SGCZ: variants seen among roughly 807,000 people sequenced by gnomAD.
SGCZ encodes the protein zeta-sarcoglycan.
Under a neutral mutation model 41.3 loss-of-function variants are expected in SGCZ, and 40 were observed. The ratio of observed to expected loss-of-function variants is 0.97; its 90% CI spans 0.75 to 1.26. The LOEUF (loss-of-function observed/expected upper bound fraction) is 1.26. Among genes scored for constraint, SGCZ ranks in the 50% most tolerant of loss-of-function variants. The pLI is 0.00. For missense variants in SGCZ, 552 were observed against 369.8 expected, an observed-to-expected ratio of 1.49 and a Z score of -4.04; for synonymous variants, 206 against 137.5, an observed-to-expected ratio of 1.50 and a Z score of -3.49.
At chr8:14,297,502 C>A (rs566412053) in intron 3 of SGCZ, among the ~76,000 whole-genome samples, 2 of 151,328 alleles carry the variant, frequency 1.3e-5, no homozygotes, top group East Asian at 2.0e-4. Context: ...GATAAAAACT[C>A]CCGTAGAAAG....
At chr8:14,997,493 CT>C (rs1693259431) in intron 1 of SGCZ, among the ~76,000 whole-genome samples, 1 of 152,158 alleles carries the variant, frequency 6.6e-6, no homozygotes, top group Admixed American at 6.5e-5. Flanking sequence ...ATGTAGGTCA[CT>C]TTTATTATGG....
At chr8:15,103,938 T>C (rs1248796242) in intron 1 of SGCZ, among the ~76,000 whole-genome samples, 3 of 152,182 alleles carry the variant, frequency 2.0e-5, no homozygotes, top group Non-Finnish European at 4.4e-5. Context: ...AAACTCTTTA[T>C]GATAGAGCAA....
intron 2 of SGCZ, among the ~76,000 whole-genome samples, chr8:14,417,137 G>A (rs1799515152): frequency 6.6e-6 from 1 of 151,810 alleles, no homozygotes. Flanking sequence ...CCGTCTTAGA[G>A]ACTTCTTAGA....
At chr8:14,925,614 C>A (rs1010484810) in intron 1 of SGCZ, among the ~76,000 whole-genome samples, 1 of 152,160 alleles carries the variant, frequency 6.6e-6, no homozygotes, top group Non-Finnish European at 1.5e-5. Flanking sequence ...ATGGCAAAAA[C>A]CACAATTCCT....
chr8:15,113,393 C>A (rs577034512), intron 1 of SGCZ, among the ~76,000 whole-genome samples: 2 of 152,142 alleles, frequency 1.3e-5, no homozygotes, highest in Non-Finnish European at 2.9e-5. Context: ...CAGATTTTCT[C>A]TTACAAGTCC....
chr8:14,839,401 T>G (rs569613543), intron 1 of SGCZ, among the ~76,000 whole-genome samples: 1 of 152,288 alleles, frequency 6.6e-6, no homozygotes, highest in Admixed American at 6.5e-5. Context: ...TGTTAAGATG[T>G]CTATTAGACT....
chr8:14,987,172 AT>A (rs1214424708), intron 1 of SGCZ, among the ~76,000 whole-genome samples: 1 of 151,944 alleles, frequency 6.6e-6, no homozygotes, highest in Non-Finnish European at 1.5e-5. Context: ...TTCTGAAGTT[AT>A]CTTTTTGCAT....
At chr8:15,198,716 T>C (rs1367501053) in intron 1 of SGCZ, among the ~76,000 whole-genome samples, 1 of 152,226 alleles carries the variant, frequency 6.6e-6, no homozygotes, top group Non-Finnish European at 1.5e-5. Flanking sequence ...GGCTACACTG[T>C]GCCAGCCTCT....
intron 1 of SGCZ, among the ~76,000 whole-genome samples, chr8:14,716,330 A>G (rs1286226836): frequency 1.3e-5 from 2 of 152,092 alleles, no homozygotes; most frequent in South Asian, 2.1e-4. Context: ...GCAAAATCAT[A>G]AACTTCAAAA....
At chr8:14,824,092 G>A (rs1802207314) in intron 1 of SGCZ, among the ~76,000 whole-genome samples, 1 of 152,102 alleles carries the variant, frequency 6.6e-6, no homozygotes, top group Non-Finnish European at 1.5e-5. Context: ...AGAGACTAGG[G>A]AAGCAAAAGA....
At chr8:14,897,060 G>C (rs1046182964) in intron 1 of SGCZ, among the ~76,000 whole-genome samples, 7 of 152,122 alleles carry the variant, frequency 4.6e-5, no homozygotes, top group African/African-American at 1.7e-4. Context: ...GGGATTACAG[G>C]CGTGAGCCAC....
At chr8:14,190,349 TTATG>T (rs1036358509) in intron 4 of SGCZ, among the ~76,000 whole-genome samples, 3 of 151,622 alleles carry the variant, frequency 2.0e-5, no homozygotes, top group Admixed American at 6.6e-5. Flanking sequence ...TAATATCCCA[TTATG>T]TATGTATGTA....
chr8:14,516,828 A>G (rs975449879), intron 2 of SGCZ, among the ~76,000 whole-genome samples: 1 of 152,098 alleles, frequency 6.6e-6, no homozygotes, highest in Admixed American at 6.6e-5. Context: ...CACTGTTAAC[A>G]TTTTATAAAT....
In SGCZ at chr8:14,085,679, C is replaced by T. The variant is rs951538735; in HGVS notation, c.*4764G>A. 7.9e-5 allele frequency among the ~76,000 whole-genome samples: 12 copies of T among 151,798 alleles called. No individual in the cohort carries two copies. In the South Asian group the frequency reaches 8.3e-4, roughly 10 times the overall value. ...TCCATGCTGGGCCCATTTTGGGATACGGTCTTTGCATATAGGTTTTATGAA... is the reference window on the plus strand; with the variant it reads ...TCCATGCTGGGCCCATTTTGGGATATGGTCTTTGCATATAGGTTTTATGAA... On this transcript the variant is annotated 3_prime_UTR_variant, in exon 8 of 8. Coordinates refer to ENST00000382080, the MANE Select transcript of SGCZ (RefSeq NM_139167.4).
At position 14,282,948 on chromosome 8, in the gene SGCZ, C is replaced by G. The variant is rs565672241; in HGVS notation, c.336+41155G>C. Among the ~76,000 whole-genome samples the G allele has an allele frequency of 5.5e-4, 80 of 145,418 alleles. 3 individuals are homozygous for G. The South Asian group carries it at 0.017, about 32-fold the overall frequency. On this transcript the variant is annotated intron_variant, in intron 3 of 7. Coordinates refer to ENST00000382080, the MANE Select transcript of SGCZ (RefSeq NM_139167.4). ...CACTGCAAGCTCCGCCTCCAGGGTT[C>G]ACGCCATTCTCCTGCCTCAGCCTCC...
chr8:14,807,301 C>T (rs1056183337), intron 1 of SGCZ, among the ~76,000 whole-genome samples: 3 of 152,098 alleles, frequency 2.0e-5, no homozygotes, highest in Non-Finnish European at 4.4e-5. Flanking sequence ...TCCCTGTTTG[C>T]AGACGACATG....
chr8:14,181,777 G>C (rs1247595387), intron 4 of SGCZ, among the ~76,000 whole-genome samples: 1 of 152,180 alleles, frequency 6.6e-6, no homozygotes, highest in East Asian at 1.9e-4. Context: ...CCAGCCATGT[G>C]GAACTGTGAG....
intron 1 of SGCZ, among the ~76,000 whole-genome samples, chr8:14,915,199 A>T (rs1196349437): frequency 2.0e-5 from 3 of 152,200 alleles, no homozygotes; most frequent in African/African-American, 7.2e-5. Flanking sequence ...CAATTTACAA[A>T]TATACCTGTA....
chr8:15,186,415 T>C (rs1006012609), intron 1 of SGCZ, among the ~76,000 whole-genome samples: 2 of 151,802 alleles, frequency 1.3e-5, no homozygotes, highest in Admixed American at 6.6e-5. Flanking sequence ...AGACTTCCAC[T>C]CATGATCTAC....
Sources: gnomAD v4.1 joint callset for allele counts (sites outside exome capture counted in the v4.1 genomes callset) on GRCh38, gnomAD v4.1.1 for gene constraint, MANE v1.5 for transcripts, NCBI Gene and HGNC (gene_info 2026-07-23, HGNC 2026-07-21) for gene names.